The following ADAMTSL4 variants were observed in gnomAD, a reference collection of about 807,000 sequenced individuals.
The protein encoded by ADAMTSL4 is ADAMTS-like protein 4.
ADAMTSL4 carries 97 observed loss-of-function variants against 122.8 expected under a neutral mutation model. That is an observed-to-expected ratio of 0.79 (90% CI 0.67 to 0.93). ADAMTSL4 has a LOEUF of 0.93. Ranked by LOEUF, ADAMTSL4 falls within the 40% of genes least tolerant of loss-of-function variation. ADAMTSL4 has a pLI of 0.00. For missense variants in ADAMTSL4, 1,408 were observed against 1,453.5 expected, an observed-to-expected ratio of 0.97 and a Z score of 0.51; for synonymous variants, 592 against 568.0, an observed-to-expected ratio of 1.04 and a Z score of -0.60.
chr1:150,554,586 C>T lies in ADAMTSL4; in HGVS notation c.1234+119C>T. 6.4e-7 allele frequency: 1 copy of T among 1,553,502 alleles called. No homozygotes were observed. The highest frequency in any genetic ancestry group is 8.7e-7 in the Non-Finnish European group (1 of 1,148,548). On this transcript the variant is annotated intron_variant, in intron 7 of 18. Transcript: ENST00000271643. This position sits in a 1 kb window ranked among gnomAD's most constrained non-coding sequence, Gnocchi z 4.0. The stretch of plus-strand genomic sequence containing the variant: ...TCCAGCCCCTCTGCTTCCCCTGCGC[C>T]ATGCCTTCTTTCTTCTCCCTGGGGC...
Position 150,559,082 on chromosome 1 carries a change from G to C in ADAMTSL4, c.2680G>C (p.Gly894Arg). The C allele has an allele frequency of 6.2e-7, 1 of 1,612,828 alleles. No homozygotes were observed. Among genetic ancestry groups the C allele is most frequent in the Non-Finnish European group, 8.5e-7 (1 of 1,179,942 alleles). Reference protein sequence around the residue: ...GAGTGQSCPTGSRPPDMRACS... With the variant: ...GAGTGQSCPTRSRPPDMRACS... ...AGGAACTGGGCAGAGCTGTCCAACA[G>C]GAAGCCGGCCCCCTGACATGCGCGC... Residue 894 changes from glycine (G) to arginine (R), a missense_variant, in exon 16 of 19, where the codon GGA becomes CGA. Transcript: ENST00000271643. This position sits in a 1 kb window ranked among gnomAD's most constrained non-coding sequence, Gnocchi z 4.1.
chr1:150,557,795 G>A (rs1474216884), intron 13 of ADAMTSL4, 150 bp from the exon 14 acceptor site: 16 of 1,096,626 alleles, frequency 1.5e-5, no homozygotes, highest in Non-Finnish European at 2.0e-5. Context: ...GGCAGGCTGA[G>A]CCCCCCAGGA....
Position 150,560,420 on chromosome 1 carries a change from T to C in ADAMTSL4, c.*224T>C. ...TGCACATATGCCTCAGGTGTGCTTTTGGGACTGCATGGATATGTGTGTGCT... is the reference window on the plus strand; with the variant it reads ...TGCACATATGCCTCAGGTGTGCTTTCGGGACTGCATGGATATGTGTGTGCT... On this transcript the variant is annotated 3_prime_UTR_variant, in exon 19 of 19. Coordinates refer to ENST00000271643, the MANE Select transcript of ADAMTSL4 (RefSeq NM_019032.6). 1.6e-6 allele frequency: 1 copy of C among 634,440 alleles called. No homozygotes were observed. Among genetic ancestry groups the C allele is most frequent in the Non-Finnish European group, 2.7e-6 (1 of 368,808 alleles). 39.3% of individuals were successfully genotyped at this position (634,440 alleles called of 1,614,324 possible).
chr1:150,557,333 A>C lies in ADAMTSL4; in HGVS notation c.2045A>C (p.Lys682Thr). ...GHSACSASCG[K>T]GVWRPIFLCI... is the part of the protein sequence containing the mutation. ...TCTGCATGCTCAGCGTCCTGCGGGA[A>C]AGGTGAGACATCACAGTGCGTTCCC... is the stretch of plus-strand genomic sequence containing the variant. Residue 682 changes from lysine to threonine, a missense_variant and splice_region_variant, in exon 12 of 19, where the codon AAA becomes ACA. Lys to Thr is a moderately conservative substitution (Grantham distance 78). Coordinates refer to ENST00000271643, the MANE Select transcript of ADAMTSL4 (RefSeq NM_019032.6). 1 of 1,610,280 alleles carries C rather than the reference A, an allele frequency of 6.2e-7. No homozygotes were observed. Among genetic ancestry groups the C allele is most frequent in the Non-Finnish European group, 8.5e-7 (1 of 1,178,678 alleles).
Position 150,559,137 on chromosome 1 carries a change from G to T in ADAMTSL4, c.2735G>T (p.Trp912Leu). ...ACSLGPCERT[W>L]RWYTGPWGEC... ...AGCCTGGGGCCCTGTGAGAGAACTT[G>T]GCGCTGGTACACAGGGCCCTGGGGT... The change falls in exon 16 of 19, where the codon TGG becomes TTG. Residue 912 changes from tryptophan to leucine, a missense_variant. Physicochemically the swap from Trp to Leu is moderately conservative, Grantham distance 61 (BLOSUM62 -2). Transcript: ENST00000271643. The surrounding 1 kb of genome is among the most constrained non-coding windows in gnomAD (Gnocchi z 4.1). The T allele has an allele frequency of 6.2e-7, 1 of 1,612,776 alleles. No individual in the cohort carries two copies. The highest frequency in any genetic ancestry group is 8.5e-7 in the Non-Finnish European group (1 of 1,179,838).
intron 13 of ADAMTSL4, 30 bp from the exon 14 acceptor site, chr1:150,557,912 TCCG>T (rs1318310107): frequency 6.3e-7 from 1 of 1,592,652 alleles, no homozygotes; most frequent in East Asian, 2.3e-5. Flanking sequence ...CATCTATGTC[TCCG>T]CCTCTTCCCT....
chr1:150,551,040 G>A (rs778896223), intron 2 of ADAMTSL4: 1 of 455,596 alleles, frequency 2.2e-6, no homozygotes, highest in African/African-American at 2.0e-5. Flanking sequence ...GAGGAGCAGG[G>A]GTGGGAAGGA....
rs1672554042 is a variant in ADAMTSL4 at position 150,559,370 on chromosome 1, T to A, written c.2847T>A (p.Ser949=). The stretch of plus-strand genomic sequence containing the variant: ...TGGGGACGGAGTTCAACGTGACTTC[T>A]CCGAGCAACTGTTCTCACCTCCCCA... ...SKLGTEFNVT[S]PSNCSHLPRP... is the part of the protein sequence containing the mutation. Residue 949 remains serine, a synonymous_variant, in exon 17 of 19, where the codon TCT becomes TCA. Coordinates refer to ENST00000271643, the MANE Select transcript of ADAMTSL4 (RefSeq NM_019032.6). This position sits in a 1 kb window ranked among gnomAD's most constrained non-coding sequence, Gnocchi z 4.1. The A allele has an allele frequency of 8.7e-6, 14 of 1,613,752 alleles. No homozygotes were observed. The highest frequency in any genetic ancestry group is 1.1e-5 in the Non-Finnish European group (13 of 1,180,000).
intron 8 of ADAMTSL4, chr1:150,555,811 A>C: frequency 1.6e-6 from 1 of 628,614 alleles, no homozygotes; most frequent in Non-Finnish European, 2.8e-6. Flanking sequence ...GCATGAACAC[A>C]TGCACACACA....
In ADAMTSL4 at chr1:150,559,331, C is replaced by T. The variant is rs1208717310; in HGVS notation, c.2808C>T (p.Ile936=). The T allele has an allele frequency of 6.2e-7, 1 of 1,614,080 alleles. No homozygotes were observed. The highest frequency in any genetic ancestry group is 8.5e-7 in the Non-Finnish European group (1 of 1,180,004). ...CGSGTQRRDI[I]CVSKLGTEFN... is the part of the protein sequence containing the mutation. ...CTGGCACACAGCGTAGAGACATCAT[C>T]TGTGTATCCAAACTGGGGACGGAGT... The change falls in exon 17 of 19, where the codon ATC becomes ATT. Residue 936 remains isoleucine, a synonymous_variant. Transcript: ENST00000271643. This position sits in a 1 kb window ranked among gnomAD's most constrained non-coding sequence, Gnocchi z 4.1.
In ADAMTSL4 at chr1:150,558,981, C is replaced by CGGGAATCCA. The variant is rs756679115; in HGVS notation, c.2581_2589dup (p.Gly861_Gln863dup). On this transcript the variant is annotated inframe_insertion, in exon 16 of 19. Coordinates refer to ENST00000271643, the MANE Select transcript of ADAMTSL4 (RefSeq NM_019032.6). ...CCGCAGTGCTCAGCCGAGTGTGGGA[C>CGGGAATCCA]GGGAATCCAGCGGCGCTCTGTGGTC... The CGGGAATCCA allele has an allele frequency of 3.6e-5, 58 of 1,609,674 alleles. No homozygotes were observed. Among genetic ancestry groups the CGGGAATCCA allele is most frequent in the Non-Finnish European group, 4.5e-5 (53 of 1,179,198 alleles).
chr1:150,554,909 G>A lies in ADAMTSL4; in HGVS notation c.1234+442G>A, dbSNP rs1671856579. ...AGCACTCAAGAGCTCTGAACACACA[G>A]AATCATGGGCATCAGGGATTGCTCC... On this transcript the variant is annotated intron_variant, in intron 7 of 18. Transcript: ENST00000271643. This position sits in a 1 kb window ranked among gnomAD's most constrained non-coding sequence, Gnocchi z 4.0. 6.6e-6 allele frequency among the ~76,000 whole-genome samples: 1 copy of A among 151,114 alleles called. No homozygotes were observed. Among genetic ancestry groups the A allele is most frequent in the African/African-American group, 2.4e-5 (1 of 41,068 alleles).
chr1:150,555,846 T>G (rs1292770412), intron 8 of ADAMTSL4: 4 of 598,082 alleles, frequency 6.7e-6, no homozygotes, highest in Non-Finnish European at 1.2e-5. Context: ...TGCACACACA[T>G]GTAGACACAC....
At position 150,553,650 on chromosome 1, in the gene ADAMTSL4, C is replaced by T. The variant is rs772677738; in HGVS notation, c.659C>T (p.Ser220Phe). The T allele has an allele frequency of 6.2e-7, 1 of 1,613,678 alleles. No individual in the cohort carries two copies. The highest frequency in any genetic ancestry group is 8.5e-7 in the Non-Finnish European group (1 of 1,179,928). The change falls in exon 6 of 19, where the codon TCT (serine) becomes TTT (phenylalanine). Residue 220 changes from serine (S) to phenylalanine (F), a missense_variant. Physicochemically the swap from Ser to Phe is radical, Grantham distance 155. Coordinates refer to ENST00000271643, the MANE Select transcript of ADAMTSL4 (RefSeq NM_019032.6). ...PQTELPPTELSVHTPSPQAEP... is the reference protein window; with the variant it reads ...PQTELPPTELFVHTPSPQAEP... ...ACTGAGCTCCCTCCCACAGAACTGTCTGTCCACACCCCATCCCCCCAAGCA... is the reference window on the plus strand; with the variant it reads ...ACTGAGCTCCCTCCCACAGAACTGTTTGTCCACACCCCATCCCCCCAAGCA...
Position 150,559,995 on chromosome 1 carries a change from C to T in ADAMTSL4, c.3089-65C>T, listed in dbSNP as rs888794728. The T allele has an allele frequency of 3.1e-6, 5 of 1,613,564 alleles. 1 individual carries two copies. The highest frequency in any genetic ancestry group is 3.4e-6 in the Non-Finnish European group (4 of 1,179,734). On this transcript the variant is annotated intron_variant, in intron 18 of 18. Transcript: ENST00000271643. This position sits in a 1 kb window ranked among gnomAD's most constrained non-coding sequence, Gnocchi z 4.1. ...AAAGGACCAGTGGGAATGGGCAGCACACCCATTCCCAGACGGGTGGGTCCT... is the reference window on the plus strand; with the variant it reads ...AAAGGACCAGTGGGAATGGGCAGCATACCCATTCCCAGACGGGTGGGTCCT...
intron 2 of ADAMTSL4, chr1:150,550,602 C>A (rs2101532263): frequency 2.6e-6 from 1 of 385,782 alleles, no homozygotes; most frequent in Non-Finnish European, 5.2e-6. Flanking sequence ...CACCCCATTT[C>A]TTCTTCCCTC....
chr1:150,555,321 C>T (rs1671910530), intron 7 of ADAMTSL4, 108 bp from the exon 8 acceptor site: 14 of 1,406,830 alleles, frequency 1.0e-5, no homozygotes, highest in Admixed American at 1.9e-5. Flanking sequence ...TGTCACATTT[C>T]CTTCATCCAC....
Position 150,553,789 on chromosome 1 carries a change from G to A in ADAMTSL4, c.798G>A (p.Thr266=), listed in dbSNP as rs587626697. 35 of 1,613,804 alleles carry A rather than the reference G, an allele frequency of 2.2e-5. No homozygotes were observed. Among genetic ancestry groups the A allele is most frequent in the East Asian group, 4.5e-5 (2 of 44,822 alleles). The change falls in exon 6 of 19, where the codon ACG becomes ACA. Residue 266 remains threonine, a synonymous_variant. Coordinates refer to ENST00000271643, the MANE Select transcript of ADAMTSL4 (RefSeq NM_019032.6). ...CTGGCACAGAGCCCCCCTCACCCAC[G>A]CACTCCTTAGGAGAAGGTGGCTTCT... ...QASGTEPPSP[T]HSLGEGGFFR...
Position 150,559,325 on chromosome 1 carries a change from C to T in ADAMTSL4, c.2802C>T (p.Asp934=). 1 of 1,614,060 alleles carries T rather than the reference C, an allele frequency of 6.2e-7. No homozygotes were observed. Residue 934 remains aspartate, a synonymous_variant, in exon 17 of 19, where the codon GAC becomes GAT. Transcript: ENST00000271643. The surrounding 1 kb of genome is among the most constrained non-coding windows in gnomAD (Gnocchi z 4.1). ...SECGSGTQRR[D]IICVSKLGTE... is the part of the protein sequence containing the mutation. ...GTGGCTCTGGCACACAGCGTAGAGA[C>T]ATCATCTGTGTATCCAAACTGGGGA...
Sources: allele counts gnomAD v4.1 joint callset (sites outside exome capture counted in the v4.1 genomes callset), GRCh38; gene constraint gnomAD v4.1.1; non-coding constraint Gnocchi (gnomAD v3.1); transcripts MANE v1.5; gene names NCBI Gene and HGNC (gene_info 2026-07-23, HGNC 2026-07-21).